Variants in UBE3B observed in about 807,000 individuals in gnomAD.
UBE3B encodes the protein ubiquitin-protein ligase E3B.
In UBE3B, 80 loss-of-function variants were observed where a neutral mutation model predicts 132.3. The observed-to-expected ratio is 0.60, with a 90% CI of 0.50 to 0.73. The LOEUF is 0.73. UBE3B is among the 30% of genes least tolerant of loss of function. The pLI is 0.00. For missense variants in UBE3B, 1,196 were observed against 1,362.5 expected, an observed-to-expected ratio of 0.88 and a Z score of 1.92; for synonymous variants, 487 against 520.4, an observed-to-expected ratio of 0.94 and a Z score of 0.87.
chr12:109,507,103 C>T (rs577914586), intron 14 of UBE3B, among the ~76,000 whole-genome samples: 54 of 152,224 alleles, frequency 3.5e-4, no homozygotes, highest in Non-Finnish European at 5.7e-4. Context: ...CAGCAGAGAC[C>T]TTCTGGCCCA....
At chr12:109,519,223 C>T (rs1881415277) in intron 19 of UBE3B, among the ~76,000 whole-genome samples, 2 of 152,220 alleles carry the variant, frequency 1.3e-5, no homozygotes, top group Admixed American at 6.5e-5. Context: ...AGTGATAGAG[C>T]TGGGCCTGGA....
chr12:109,509,195 T>G (rs1003010374), intron 15 of UBE3B: 1 of 153,172 alleles, frequency 6.5e-6, no homozygotes, highest in African/African-American at 2.4e-5. Context: ...AATGCCCACC[T>G]GCTTTTCTCT....
Position 109,526,035 on chromosome 12 carries a change from C to T in UBE3B, c.2569-323C>T, listed in dbSNP as rs1219966581. On this transcript the variant is annotated intron_variant, in intron 23 of 27. Coordinates refer to ENST00000342494, the MANE Select transcript of UBE3B (RefSeq NM_130466.4). ...TATTGTTTAGTACCTGCACAGTATT[C>T]CAGGGTATGGATGTACCAGTGTTTA... 5.3e-5 allele frequency among the ~76,000 whole-genome samples: 8 copies of T among 152,072 alleles called. 1 individual carries two copies. The South Asian group carries it at 1.7e-3, about 32-fold the overall frequency.
intron 1 of UBE3B, among the ~76,000 whole-genome samples, chr12:109,480,489 A>G (rs1242622887): frequency 1.3e-5 from 2 of 152,086 alleles, no homozygotes; most frequent in African/African-American, 2.4e-5. Context: ...CACCTCTACA[A>G]AAAATTTAAA....
At chr12:109,518,386 G>A (rs1236713624) in intron 19 of UBE3B, among the ~76,000 whole-genome samples, 1 of 152,204 alleles carries the variant, frequency 6.6e-6, no homozygotes, top group African/African-American at 2.4e-5. Context: ...GATCTTCCAT[G>A]TTGTGAACTA....
rs1300286090 is a variant in UBE3B at position 109,534,047 on chromosome 12, C to T, written c.3015+489C>T. 7.7e-7 allele frequency: 1 copy of T among 1,294,918 alleles called. No homozygotes were observed. The highest frequency in any genetic ancestry group is 1.0e-6 in the Non-Finnish European group (1 of 992,900). The allele number at this position is 1,294,918 out of a possible 1,614,324, so 80.2% of individuals were successfully genotyped here. On this transcript the variant is annotated intron_variant, in intron 27 of 27. Transcript: ENST00000342494. The surrounding 1 kb of genome is among the most constrained non-coding windows in gnomAD (Gnocchi z 5.2). ...CTCTGTGTGTCTCAAGCCTGGCCCA[C>T]TGTGGGTGCTCAAATGAGAGTCCTA... is the stretch of plus-strand genomic sequence containing the variant.
At chr12:109,523,948 A>T (rs375191730) in intron 21 of UBE3B, 30 bp from the exon 22 acceptor site, 3 of 1,612,388 alleles carry the variant, frequency 1.9e-6, no homozygotes, top group Non-Finnish European at 2.5e-6. Context: ...ATCCTGGCTG[A>T]TGGACAGCTC....
At chr12:109,506,200 TG>T (rs1268960086) in intron 14 of UBE3B, among the ~76,000 whole-genome samples, 1 of 152,094 alleles carries the variant, frequency 6.6e-6, no homozygotes, top group African/African-American at 2.4e-5. Context: ...TAGAGGTAAG[TG>T]GGGGGAAGCT....
intron 11 of UBE3B, among the ~76,000 whole-genome samples, chr12:109,498,683 G>T (rs1878546568): frequency 6.6e-6 from 1 of 152,108 alleles, no homozygotes; most frequent in African/African-American, 2.4e-5. Flanking sequence ...AGTTAGGTGG[G>T]GCTTATATCA....
chr12:109,489,064 G>A (rs557813966), intron 7 of UBE3B, among the ~76,000 whole-genome samples: 50 of 152,208 alleles, frequency 3.3e-4, no homozygotes, highest in Non-Finnish European at 6.3e-4. Flanking sequence ...GGTAAGTGTC[G>A]TTAGTGCCGT....
chr12:109,512,891 A>G (rs1189684581), intron 18 of UBE3B, among the ~76,000 whole-genome samples: 1 of 152,252 alleles, frequency 6.6e-6, no homozygotes, highest in African/African-American at 2.4e-5. Context: ...TCCAATAGAA[A>G]ATGCACAGCT....
At chr12:109,537,997 G>C (rs537986548), downstream of UBE3B, among the ~76,000 whole-genome samples, 2 of 152,176 alleles carry the variant, frequency 1.3e-5, no homozygotes, top group African/African-American at 4.8e-5. Flanking sequence ...CACCGCGCCC[G>C]GCCAACATTC....
chr12:109,547,507 A>G, the UBE3B span, among the ~76,000 whole-genome samples: 1 of 152,248 alleles, frequency 6.6e-6, no homozygotes, highest in East Asian at 1.9e-4. This position sits in a 1 kb window ranked among gnomAD's most constrained non-coding sequence, Gnocchi z 4.1. Flanking sequence ...TGGGGCACCC[A>G]AGCCGATGCC....
intron 9 of UBE3B, 24 bp from the exon 10 acceptor site, chr12:109,497,794 A>G (rs1452100575): frequency 2.5e-6 from 4 of 1,613,008 alleles, no homozygotes; most frequent in East Asian, 2.2e-5. Flanking sequence ...ACCTGTCTGA[A>G]TGAGTGGATC....
chr12:109,489,101 C>G (rs948906635), intron 7 of UBE3B, among the ~76,000 whole-genome samples: 2 of 152,208 alleles, frequency 1.3e-5, no homozygotes, highest in Non-Finnish European at 2.9e-5. Flanking sequence ...TTTCATTCAT[C>G]TGTTCAACAA....
In UBE3B at chr12:109,486,489, G is replaced by A; in HGVS notation, c.361G>A (p.Ala121Thr). ...CCTATAGGTGTGGTATGTGTCCCTGGCTTGTTCTAAGGACCTCACCCTCCT... is the reference window on the plus strand; with the variant it reads ...CCTATAGGTGTGGTATGTGTCCCTGACTTGTTCTAAGGACCTCACCCTCCT... The part of the protein sequence containing the change: ...NEPKVWYVSL[A>T]CSKDLTLLWI... Residue 121 changes from alanine (A) to threonine (T), a missense_variant, in exon 6 of 28, where the codon GCT becomes ACT. Physicochemically the swap from Ala to Thr is moderately conservative, Grantham distance 58. Transcript: ENST00000342494. 1 of 1,603,252 alleles carries A rather than the reference G, an allele frequency of 6.2e-7. No individual in the cohort carries two copies. Among genetic ancestry groups the A allele is most frequent in the Non-Finnish European group, 8.5e-7 (1 of 1,175,408 alleles).
At position 109,534,622 on chromosome 12, in the gene UBE3B, G is replaced by C; in HGVS notation, c.3047G>C (p.Arg1016Pro). The change falls in exon 28 of 28, where the codon CGG becomes CCG. Residue 1016 changes from arginine to proline, a missense_variant. Coordinates refer to ENST00000342494, the MANE Select transcript of UBE3B (RefSeq NM_130466.4). The surrounding 1 kb of genome is among the most constrained non-coding windows in gnomAD (Gnocchi z 5.2). ...DTGDTLGSVL[R>P]GFFTIRKREP... ...GGGGACACTCTGGGCAGCGTCCTCC[G>C]GGGCTTCTTCACCATCCGCAAGCGG... 1 of 1,611,066 alleles carries C rather than the reference G, an allele frequency of 6.2e-7. No individual in the cohort carries two copies. The highest frequency in any genetic ancestry group is 1.1e-5 in the South Asian group (1 of 90,766).
chr12:109,508,782 C>T lies in UBE3B; in HGVS notation c.1623-814C>T, dbSNP rs1879993411. On this transcript the variant is annotated intron_variant, in intron 15 of 27. Transcript: ENST00000342494. The stretch of plus-strand genomic sequence containing the variant: ...AGTGTTAGGAAATGTTCAGATAGAG[C>T]TGTGTCTTAAATGGCTCATTTATTC... The T allele has an allele frequency of 8.2e-6, 8 of 974,724 alleles. No homozygotes were observed. In the Middle Eastern group the frequency reaches 1.6e-3, roughly 194 times the overall value. The allele number at this position is 974,724 out of a possible 1,614,324, so 60.4% of individuals were successfully genotyped here.
downstream of UBE3B, among the ~76,000 whole-genome samples, chr12:109,538,487 A>G (rs76402972): frequency 1.1e-3 from 163 of 152,336 alleles, 2 homozygotes; most frequent in East Asian, 0.028. This position sits in a 1 kb window ranked among gnomAD's most constrained non-coding sequence, Gnocchi z 4.1. Context: ...TATCTAGAAC[A>G]CAGGAATCTT....
Sources: allele counts gnomAD v4.1 joint callset (sites outside exome capture counted in the v4.1 genomes callset), GRCh38; gene constraint gnomAD v4.1.1; non-coding constraint Gnocchi (gnomAD v3.1); transcripts MANE v1.5; gene names NCBI Gene and HGNC (gene_info 2026-07-23, HGNC 2026-07-21).